The following ROBO1 variants were observed in gnomAD, a reference collection of about 807,000 sequenced individuals.
ROBO1 encodes roundabout homolog 1.
In ROBO1, 149 loss-of-function variants were observed where a neutral mutation model predicts 195.9. The ratio of observed to expected loss-of-function variants is 0.76; its 90% confidence interval spans 0.67 to 0.87. The LOEUF is 0.87. Ranked by LOEUF, ROBO1 falls within the 40% of genes least tolerant of loss-of-function variation. The probability of loss-of-function intolerance (pLI) is 0.00; values close to 1 mark genes in which losing one functional copy is unlikely to be tolerated. For missense variants in ROBO1, 1,933 were observed against 2,068.3 expected (o/e 0.93, Z 1.27); for synonymous variants, 816 against 733.2 (o/e 1.11, Z -1.82).
intron 2 of ROBO1, among the ~76,000 whole-genome samples, chr3:79,174,471 G>C (rs1187161385): frequency 6.6e-6 from 1 of 152,080 alleles, no homozygotes. Flanking sequence ...CACTCACCGC[G>C]AGGGTCTGCA....
At chr3:79,304,750 G>A (rs1421955000) in intron 2 of ROBO1, among the ~76,000 whole-genome samples, 1 of 152,070 alleles carries the variant, frequency 6.6e-6, no homozygotes, top group African/African-American at 2.4e-5. Flanking sequence ...GTACATTTGA[G>A]TTGTTTTTAG....
chr3:79,677,109 C>T lies in ROBO1; in HGVS notation c.-50-87148G>A, dbSNP rs78358208. ...TGTTAAAACTTTGGTGGACTCCCCTCTCCTTGAGTGTGACAAAGATTTGTG... is the reference window on the plus strand; with the variant it reads ...TGTTAAAACTTTGGTGGACTCCCCTTTCCTTGAGTGTGACAAAGATTTGTG... On this transcript the variant is annotated intron_variant, in intron 1 of 30. Coordinates refer to ENST00000464233, the MANE Select transcript of ROBO1 (RefSeq NM_002941.4). 1.0e-2 allele frequency among the ~76,000 whole-genome samples: 1,517 copies of T among 152,100 alleles called. 20 individuals are homozygous for T. Among genetic ancestry groups the T allele is most frequent in the Middle Eastern group, 0.037 (11 of 294 alleles).
intron 4 of ROBO1, among the ~76,000 whole-genome samples, chr3:78,876,830 C>A (rs1050713317): frequency 6.6e-6 from 1 of 151,868 alleles, no homozygotes; most frequent in Admixed American, 6.6e-5. Context: ...AGAATAGATA[C>A]GTGAAGACTC....
chr3:79,296,232 A>T (rs1275754703), intron 2 of ROBO1, among the ~76,000 whole-genome samples: 1 of 152,182 alleles, frequency 6.6e-6, no homozygotes, highest in Non-Finnish European at 1.5e-5. Context: ...GCTAACACAG[A>T]TACGTTTATT....
chr3:79,051,695 G>A lies in ROBO1; in HGVS notation c.172+73761C>T, dbSNP rs372319603. On this transcript the variant is annotated intron_variant, in intron 3 of 30. Transcript: ENST00000464233. ...GGAAGTCAGGGACCCTGAATGGAGGGACCAGCTGAAGCCATGGCAGAAGAA... is the reference window on the plus strand; with the variant it reads ...GGAAGTCAGGGACCCTGAATGGAGGAACCAGCTGAAGCCATGGCAGAAGAA... Among the ~76,000 whole-genome samples the A allele has an allele frequency of 4.9e-4, 74 of 152,170 alleles. 1 individual carries two copies. The highest frequency in any genetic ancestry group is 6.8e-3 in the Middle Eastern group (2 of 294).
intron 3 of ROBO1, among the ~76,000 whole-genome samples, chr3:78,973,128 T>A (rs772182040): frequency 1.3e-5 from 2 of 152,172 alleles, no homozygotes; most frequent in Non-Finnish European, 2.9e-5. Flanking sequence ...TGCTGTCTTG[T>A]TGTTACTCCG....
chr3:79,020,908 T>C (rs2078087697), intron 3 of ROBO1, among the ~76,000 whole-genome samples: 1 of 152,120 alleles, frequency 6.6e-6, no homozygotes, highest in Non-Finnish European at 1.5e-5. Context: ...GAGGATTTGC[T>C]CTTTTCTACA....
chr3:79,621,180 AG>A (rs1337687456), intron 1 of ROBO1, among the ~76,000 whole-genome samples: 1 of 152,152 alleles, frequency 6.6e-6, no homozygotes, highest in Non-Finnish European at 1.5e-5. Flanking sequence ...GCAAGGCTTC[AG>A]GGACAGCCCT....
At chr3:79,079,606 G>A (rs115686496) in intron 3 of ROBO1, among the ~76,000 whole-genome samples, 1,889 of 151,700 alleles carry the variant, frequency 0.012, 47 homozygotes, top group African/African-American at 0.044. Flanking sequence ...TTGATAAAAT[G>A]TGTTCAATAT....
rs567811718 is a variant in ROBO1, at chr3:78,728,453, G to T, written c.658-10570C>A. Among the ~76,000 whole-genome samples, 5 of 8,226 alleles carry T rather than the reference G, an allele frequency of 6.1e-4. No individual in the cohort carries two copies. The South Asian group carries it at 0.038, about 63-fold the overall frequency. 5.4% of individuals were successfully genotyped at this position (8,226 alleles called of 152,430 possible). ...CATAAGATTTTGTTTTTTCTTCTAG[G>T]TTATAAAAAAAAAAAACCCAGATTA... On this transcript the variant is annotated intron_variant, in intron 5 of 30. Coordinates refer to ENST00000464233, the MANE Select transcript of ROBO1 (RefSeq NM_002941.4).
chr3:78,746,684 G>C, intron 5 of ROBO1, 59 bp downstream of exon 5: 1 of 1,291,850 alleles, frequency 7.7e-7, no homozygotes, highest in Non-Finnish European at 1.0e-6. Flanking sequence ...TTTTTTCTTT[G>C]GTAAAGATAC....
At chr3:78,935,546 T>C (rs1018895574) in intron 4 of ROBO1, among the ~76,000 whole-genome samples, 1 of 152,050 alleles carries the variant, frequency 6.6e-6, no homozygotes, top group South Asian at 2.1e-4. Flanking sequence ...ATTGGTGATA[T>C]TGGTTACAGG....
At chr3:79,382,435 A>T (rs2036606408) in intron 2 of ROBO1, among the ~76,000 whole-genome samples, 1 of 151,518 alleles carries the variant, frequency 6.6e-6, no homozygotes, top group African/African-American at 2.4e-5. Flanking sequence ...CACAGAGGTG[A>T]CGTGACAAGA....
At chr3:79,005,961 G>T (rs1434948732) in intron 3 of ROBO1, among the ~76,000 whole-genome samples, 2 of 151,940 alleles carry the variant, frequency 1.3e-5, no homozygotes, top group Admixed American at 1.3e-4. Context: ...CCACAACCTC[G>T]ATTTTCTTTA....
intron 19 of ROBO1, among the ~76,000 whole-genome samples, chr3:78,650,211 G>A (rs1213556922): frequency 6.6e-6 from 1 of 152,046 alleles, no homozygotes; most frequent in Non-Finnish European, 1.5e-5. Context: ...GGTAGCATGT[G>A]CCTGACATTC....
At chr3:79,315,080 C>A (rs2033673731) in intron 2 of ROBO1, among the ~76,000 whole-genome samples, 1 of 152,122 alleles carries the variant, frequency 6.6e-6, no homozygotes. Flanking sequence ...GACTTCTAAT[C>A]TGGGAATGAT....
chr3:79,667,590 C>T (rs978525961), intron 1 of ROBO1, among the ~76,000 whole-genome samples: 10 of 151,642 alleles, frequency 6.6e-5, no homozygotes, highest in African/African-American at 2.2e-4. Flanking sequence ...AAATTTTTAA[C>T]CTTTTAAGTG....
In ROBO1 at chr3:78,668,116, G is replaced by T. The variant is rs1295833198; in HGVS notation, c.1799+18C>A. 6 of 1,611,780 alleles carry T rather than the reference G, an allele frequency of 3.7e-6. No individual in the cohort carries two copies. Among genetic ancestry groups the T allele is most frequent in the Non-Finnish European group, 5.1e-6 (6 of 1,178,802 alleles). On this transcript the variant is annotated intron_variant, in intron 13 of 30. Transcript: ENST00000464233. ...AGAATCAAAAAAGAACAACTAGGAA[G>T]CATCTCCTTCACTCTACCTGAAGGC...
At chr3:79,165,991 A>C (rs1045711043) in intron 2 of ROBO1, among the ~76,000 whole-genome samples, 1 of 152,216 alleles carries the variant, frequency 6.6e-6, no homozygotes, top group Non-Finnish European at 1.5e-5. Flanking sequence ...GAGCAACTTC[A>C]GCCCATGCAG....
Sources: allele counts gnomAD v4.1 joint callset (sites outside exome capture counted in the v4.1 genomes callset), GRCh38; gene constraint gnomAD v4.1.1; transcripts MANE v1.5; gene names NCBI Gene and HGNC (gene_info 2026-07-23, HGNC 2026-07-21).